The following SGMS1 variants were observed in gnomAD, a reference collection of about 807,000 sequenced individuals.
SGMS1 encodes sphingomyelin synthase 1, also known as phosphatidylcholine:ceramide cholinephosphotransferase 1.
Under a neutral mutation model 46.2 loss-of-function variants are expected in SGMS1, and 13 were observed. The observed-to-expected ratio is 0.28, with a 90% confidence interval of 0.18 to 0.45. The LOEUF (loss-of-function observed/expected upper bound fraction) is 0.45. SGMS1 is among the 20% of genes least tolerant of loss of function. The pLI, the probability that SGMS1 is intolerant of heterozygous loss-of-function variation, is 1.00. For missense variants in SGMS1, 324 were observed against 519.9 expected (o/e 0.62, Z 3.66); for synonymous variants, 203 against 187.8 (o/e 1.08, Z -0.66).
chr10:50,533,880 C>T (rs1294823296), intron 2 of SGMS1, among the ~76,000 whole-genome samples: 18 of 152,050 alleles, frequency 1.2e-4, no homozygotes. Flanking sequence ...ACATCCTCTG[C>T]TCCGGTTAAA....
intron 2 of SGMS1, among the ~76,000 whole-genome samples, chr10:50,579,328 C>T (rs1838413205): frequency 6.6e-6 from 1 of 151,802 alleles, no homozygotes; most frequent in East Asian, 1.9e-4. Flanking sequence ...CCAGAAAGAA[C>T]AGAGAGAACA....
intron 6 of SGMS1, among the ~76,000 whole-genome samples, chr10:50,391,840 T>TAAAAAA (rs146392084): frequency 8.1e-6 from 1 of 123,520 alleles, no homozygotes; most frequent in Non-Finnish European, 1.7e-5. Context: ...ATGCAATCAT[T>TAAAAAA]AAAAAAAAAA....
At chr10:50,323,828 C>G (rs1430691092) in intron 8 of SGMS1, among the ~76,000 whole-genome samples, 1 of 152,152 alleles carries the variant, frequency 6.6e-6, no homozygotes, top group Non-Finnish European at 1.5e-5. Flanking sequence ...CTGTTTCTTC[C>G]TCTCCATCCA....
intron 8 of SGMS1, among the ~76,000 whole-genome samples, chr10:50,326,753 A>G (rs1338790605): frequency 1.3e-5 from 2 of 152,202 alleles, no homozygotes; most frequent in Non-Finnish European, 2.9e-5. Flanking sequence ...ATTACCCCAG[A>G]GAACAGTGAT....
intron 8 of SGMS1, among the ~76,000 whole-genome samples, chr10:50,318,905 T>C (rs377744720): frequency 3.3e-5 from 5 of 152,150 alleles, no homozygotes; most frequent in South Asian, 2.1e-4. Context: ...AACACTAATC[T>C]CCCACCAGCC....
chr10:50,421,128 C>T (rs746237724), intron 6 of SGMS1, among the ~76,000 whole-genome samples: 25 of 152,182 alleles, frequency 1.6e-4, no homozygotes, highest in African/African-American at 6.0e-4. Context: ...TTAAAGTACA[C>T]GGATTCTCAA....
chr10:50,586,622 G>A (rs145985348), intron 2 of SGMS1, among the ~76,000 whole-genome samples: 106 of 152,342 alleles, frequency 7.0e-4, no homozygotes, highest in African/African-American at 2.4e-3. Context: ...AGAAGAGGAC[G>A]TAGAAAACAT....
In SGMS1 at chr10:50,338,446, G is replaced by A. The variant is rs1054236935; in HGVS notation, c.623+5046C>T. ...CAAGATATATACCTGACTTCATTTC[G>A]CTCGGAAATAAAATATATTCAAACA... On this transcript the variant is annotated intron_variant, in intron 7 of 10. Transcript: ENST00000361781. Among the ~76,000 whole-genome samples the A allele has an allele frequency of 4.6e-5, 7 of 151,972 alleles. No individual in the cohort carries two copies. The South Asian group carries it at 8.3e-4, about 18-fold the overall frequency.
intron 3 of SGMS1, among the ~76,000 whole-genome samples, chr10:50,515,631 T>C (rs1355878046): frequency 2.6e-5 from 4 of 152,114 alleles, no homozygotes; most frequent in African/African-American, 4.8e-5. Flanking sequence ...CAAAGCTCAC[T>C]CAGGAAGCAC....
At chr10:50,347,168 G>A (rs1055164403) in intron 6 of SGMS1, among the ~76,000 whole-genome samples, 1 of 152,160 alleles carries the variant, frequency 6.6e-6, no homozygotes, top group Admixed American at 6.5e-5. Context: ...AAGAGCCTAC[G>A]AGTGAATGTG....
At chr10:50,319,855 G>A (rs1847411825) in intron 8 of SGMS1, among the ~76,000 whole-genome samples, 1 of 152,024 alleles carries the variant, frequency 6.6e-6, no homozygotes. Context: ...TAATTAATAA[G>A]CAATCTGTTA....
intron 6 of SGMS1, among the ~76,000 whole-genome samples, chr10:50,384,706 T>C (rs960740776): frequency 6.6e-6 from 1 of 152,072 alleles, no homozygotes; most frequent in Non-Finnish European, 1.5e-5. Flanking sequence ...TGCCTCAGCC[T>C]CCCAAAGTGC....
chr10:50,509,396 A>C (rs1434113384), intron 3 of SGMS1, among the ~76,000 whole-genome samples: 6 of 152,180 alleles, frequency 3.9e-5, no homozygotes, highest in African/African-American at 1.2e-4. Context: ...CCTCCCACCA[A>C]ATCAAACATG....
intron 3 of SGMS1, among the ~76,000 whole-genome samples, chr10:50,471,575 A>C (rs1837379248): frequency 6.6e-6 from 1 of 152,232 alleles, no homozygotes; most frequent in African/African-American, 2.4e-5. Context: ...GAGATATAAA[A>C]AAGGATCTTT....
chr10:50,343,534 A>G lies in SGMS1; in HGVS notation c.581T>C (p.Leu194Pro). 1 of 1,613,938 alleles carries G rather than the reference A, an allele frequency of 6.2e-7. No homozygotes were observed. The highest frequency in any genetic ancestry group is 8.5e-7 in the Non-Finnish European group (1 of 1,180,000). Residue 194 changes from leucine (L) to proline (P), a missense_variant, in exon 7 of 11, where the codon CTT becomes CCT. This residue lies in a region of SGMS1 where 174 missense variants were observed against 350.1 expected (regional missense o/e 0.50). Coordinates refer to ENST00000361781, the MANE Select transcript of SGMS1 (RefSeq NM_147156.4). Reference sequence around the variant, plus strand: ...CCACTGAATTAACCAGAGTCCTACAAGGATCATGCCATTAATTTCACAAAT... The same window carrying G: ...CCACTGAATTAACCAGAGTCCTACAGGGATCATGCCATTAATTTCACAAAT... ...FSICEINGMI[L>P]VGLWLIQWLL...
chr10:50,525,533 C>T (rs1462056755), intron 2 of SGMS1, among the ~76,000 whole-genome samples: 1 of 151,952 alleles, frequency 6.6e-6, no homozygotes, highest in African/African-American at 2.4e-5. Flanking sequence ...AAGATGTTAA[C>T]CTCACTTCAA....
At chr10:50,371,938 A>T (rs1203745687) in intron 6 of SGMS1, among the ~76,000 whole-genome samples, 3 of 152,134 alleles carry the variant, frequency 2.0e-5, no homozygotes, top group Non-Finnish European at 4.4e-5. Flanking sequence ...TCCTGTTTGA[A>T]CCACTTCTTA....
chr10:50,485,445 T>C (rs960561787), intron 3 of SGMS1, among the ~76,000 whole-genome samples: 1 of 152,182 alleles, frequency 6.6e-6, no homozygotes, highest in African/African-American at 2.4e-5. Flanking sequence ...TAGGAAGAAC[T>C]AATATCATTA....
rs56992240 is a variant in SGMS1, at chr10:50,388,471, TAAAAA to T, written c.-231-44131_-231-44127del. ...CAATATTGCAAAACCCTGTCTCTAC[TAAAAA>T]AAAAAAAAAAAAAAAAAAATTTGCC... is the stretch of plus-strand genomic sequence containing the variant. On this transcript the variant is annotated intron_variant, in intron 6 of 10. Transcript: ENST00000361781. Among the ~76,000 whole-genome samples the T allele has an allele frequency of 2.6e-4, 22 of 85,116 alleles. No homozygotes were observed. In the South Asian group the frequency reaches 4.9e-3, roughly 19 times the overall value. 55.8% of individuals were successfully genotyped at this position (85,116 alleles called of 152,430 possible). A position where few individuals can be genotyped will look rare whatever the true frequency, so the allele number is the denominator to read the frequency against.
Sources: gnomAD v4.1 joint callset for allele counts (sites outside exome capture counted in the v4.1 genomes callset) on GRCh38, gnomAD v4.1.1 for gene constraint, gnomAD v4.1.1 regional missense constraint, MANE v1.5 for transcripts, NCBI Gene and HGNC (gene_info 2026-07-23, HGNC 2026-07-21) for gene names.